RELN: variants seen among roughly 807,000 people sequenced by gnomAD.
RELN encodes the protein reelin.
In RELN, 108 loss-of-function variants were observed where a neutral mutation model predicts 427.6. The observed-to-expected ratio is 0.25, with a 90% CI of 0.22 to 0.30. The LOEUF is 0.30. Ranked by LOEUF, RELN falls within the 10% of genes least tolerant of loss-of-function variation. The pLI is 1.00. For synonymous variants in RELN, 1,524 were observed against 1,513.4 expected, an observed-to-expected ratio of 1.01 and a Z score of -0.16; for missense variants, 3,715 against 4,302.8, an observed-to-expected ratio of 0.86 and a Z score of 3.82.
At chr7:103,495,580 A>G in intron 57 of RELN, 143 bp downstream of exon 57, 2 of 803,656 alleles carry the variant, frequency 2.5e-6, no homozygotes, top group Non-Finnish European at 4.1e-6. Context: ...GTCTTTGCAA[A>G]AGATGACCTC....
intron 3 of RELN, among the ~76,000 whole-genome samples, chr7:103,786,055 A>G (rs1168555997): frequency 6.6e-6 from 1 of 152,058 alleles, no homozygotes; most frequent in Non-Finnish European, 1.5e-5. Flanking sequence ...TCCTGCAAAG[A>G]AATCCTGCCA....
intron 2 of RELN, among the ~76,000 whole-genome samples, chr7:103,845,899 C>G (rs10275624): frequency 6.6e-6 from 1 of 151,886 alleles, no homozygotes; most frequent in African/African-American, 2.4e-5. Flanking sequence ...AAACATTCCA[C>G]GCTCATGGAT....
At chr7:103,819,133 T>C (rs1269285784) in intron 3 of RELN, among the ~76,000 whole-genome samples, 1 of 152,174 alleles carries the variant, frequency 6.6e-6, no homozygotes, top group Non-Finnish European at 1.5e-5. Context: ...CTTAGCTGTA[T>C]TTTTATGTAC....
In RELN at chr7:103,630,296, A is replaced by G. The variant is rs142377830; in HGVS notation, c.2466-120T>C. The G allele has an allele frequency of 9.3e-5, 68 of 729,300 alleles. No individual in the cohort carries two copies. The African/African-American group carries it at 1.1e-3, about 12-fold the overall frequency. 45.2% of individuals were successfully genotyped at this position (729,300 alleles called of 1,614,324 possible). A position where few individuals can be genotyped will look rare whatever the true frequency, so the allele number is the denominator to read the frequency against. On this transcript the variant is annotated intron_variant, in intron 19 of 64. Transcript: ENST00000428762. The stretch of plus-strand genomic sequence containing the variant: ...AAAGAAATAGTTCTCCCATGATTAT[A>G]AACATTTTTTTTTGAGATGTCCAGT...
At chr7:103,596,726 G>A in intron 24 of RELN, 65 bp from the exon 25 acceptor site, 1 of 1,406,992 alleles carries the variant, frequency 7.1e-7, no homozygotes, top group East Asian at 2.3e-5. Context: ...TGTTGTTTCA[G>A]TTCCAAATTC....
intron 2 of RELN, among the ~76,000 whole-genome samples, chr7:103,886,930 T>C (rs567122711): frequency 5.1e-4 from 78 of 152,278 alleles, no homozygotes; most frequent in African/African-American, 1.8e-3. Flanking sequence ...GACAAATACA[T>C]GTAGCAGGAT....
chr7:103,770,243 C>A (rs963494916), intron 4 of RELN, among the ~76,000 whole-genome samples: 1 of 152,136 alleles, frequency 6.6e-6, no homozygotes, highest in African/African-American at 2.4e-5. Flanking sequence ...TGCCATCACG[C>A]CCAGCTAATT....
At chr7:103,945,325 C>T (rs1279608214) in intron 1 of RELN, among the ~76,000 whole-genome samples, 2 of 152,158 alleles carry the variant, frequency 1.3e-5, no homozygotes, top group Non-Finnish European at 2.9e-5. Context: ...CACTCATAAT[C>T]CATTATTACA....
chr7:103,938,951 T>C, intron 1 of RELN, among the ~76,000 whole-genome samples: 1 of 152,136 alleles, frequency 6.6e-6, no homozygotes, highest in Non-Finnish European at 1.5e-5. Context: ...AGCTTTTTTT[T>C]TTTTCTCTGA....
intron 1 of RELN, among the ~76,000 whole-genome samples, chr7:103,970,123 AT>A (rs974713918): frequency 2.0e-4 from 30 of 147,694 alleles, no homozygotes; most frequent in South Asian, 4.3e-4. Context: ...TGTATTGTCC[AT>A]TTTTTTTCTT....
intron 1 of RELN, among the ~76,000 whole-genome samples, chr7:103,982,806 C>T (rs1797019615): frequency 6.6e-6 from 1 of 152,134 alleles, no homozygotes; most frequent in African/African-American, 2.4e-5. Flanking sequence ...TGTCACCTTT[C>T]CTATCATGTA....
At chr7:103,621,048 G>C (rs1006372584) in intron 20 of RELN, among the ~76,000 whole-genome samples, 1 of 152,134 alleles carries the variant, frequency 6.6e-6, no homozygotes, top group East Asian at 1.9e-4. Flanking sequence ...TACTCAAACA[G>C]AGCCATTTTA....
intron 2 of RELN, among the ~76,000 whole-genome samples, chr7:103,902,832 C>G (rs571526489): frequency 6.6e-6 from 1 of 152,236 alleles, no homozygotes; most frequent in South Asian, 2.1e-4. Flanking sequence ...CTTTCAAATT[C>G]ATATGTTGCA....
At chr7:103,503,457 G>A (rs1190839794) in intron 51 of RELN, among the ~76,000 whole-genome samples, 3 of 152,152 alleles carry the variant, frequency 2.0e-5, no homozygotes, top group East Asian at 3.9e-4. Context: ...GGGGTTTGGA[G>A]AGAAACTCAG....
At chr7:103,866,543 TTAGG>T in intron 2 of RELN, among the ~76,000 whole-genome samples, 1 of 152,076 alleles carries the variant, frequency 6.6e-6, no homozygotes. Flanking sequence ...AGTAAATCAT[TTAGG>T]TAATCAAAAT....
rs1414082246 is a variant in RELN, at chr7:103,611,796, C to T, written c.2710G>A (p.Gly904Arg). 1.2e-6 allele frequency: 2 copies of T among 1,613,084 alleles called. No homozygotes were observed. The highest frequency in any genetic ancestry group is 4.5e-5 in the East Asian group (2 of 44,826). The stretch of plus-strand genomic sequence containing the variant: ...ATACTTGAGGCAAGTTTAGAATCTC[C>T]TGTAAAACTGAAAGAGACAGAGATG... Reference protein sequence around the residue: ...CGHDWTLCFTGDSKLASSMRY... With the variant: ...CGHDWTLCFTRDSKLASSMRY... The change falls in exon 21 of 65, where the codon GGA (glycine) becomes AGA (arginine). Residue 904 changes from glycine (G) to arginine (R), a missense_variant. Gly to Arg is a moderately radical substitution (Grantham distance 125). Around this residue, in one of 4 missense-constraint regions of RELN, gnomAD observed 2,208 missense variants for 2,361.7 expected, o/e 0.93. Transcript: ENST00000428762.
chr7:103,825,823 C>T (rs891785297), intron 3 of RELN, among the ~76,000 whole-genome samples: 3 of 151,992 alleles, frequency 2.0e-5, no homozygotes, highest in African/African-American at 7.2e-5. Flanking sequence ...AGCCACATGG[C>T]TTATAGCTAC....
intron 1 of RELN, among the ~76,000 whole-genome samples, chr7:103,979,701 G>A (rs1259078945): frequency 6.6e-6 from 1 of 152,172 alleles, no homozygotes. Flanking sequence ...GGCTGTGCCT[G>A]CAGACTAACA....
In RELN at chr7:103,551,267, T is replaced by A. The variant is rs368034037; in HGVS notation, c.6102A>T (p.Ser2034=). The A allele has an allele frequency of 3.0e-5, 49 of 1,613,298 alleles. No homozygotes were observed. Among genetic ancestry groups the A allele is most frequent in the Non-Finnish European group, 6.8e-6 (8 of 1,179,698 alleles). ...ATTCCAGTCTCACTGGATCCGCGGA[T>A]GAGCTATCAGTCGAACAGCCAACGT... The part of the protein sequence containing the change: ...EINVGCSTDS[S]SADPVRLEFS... Residue 2034 remains serine (S), a synonymous_variant, in exon 41 of 65, where the codon TCA becomes TCT. Coordinates refer to ENST00000428762, the MANE Select transcript of RELN (RefSeq NM_005045.4).
Sources: allele counts gnomAD v4.1 joint callset (sites outside exome capture counted in the v4.1 genomes callset), GRCh38; gene constraint gnomAD v4.1.1; regional missense constraint gnomAD v4.1.1; transcripts MANE v1.5; gene names NCBI Gene and HGNC (gene_info 2026-07-23, HGNC 2026-07-21).